PLEKHG1: variants seen among roughly 807,000 people sequenced by gnomAD.
PLEKHG1 encodes the protein pleckstrin homology and RhoGEF domain containing G1.
PLEKHG1 carries 44 observed loss-of-function variants against 100.8 expected under a neutral mutation model. The ratio of observed to expected loss-of-function variants is 0.44; its 90% CI spans 0.34 to 0.56. PLEKHG1 has a LOEUF of 0.56. Ranked by LOEUF, PLEKHG1 falls within the 20% of genes least tolerant of loss-of-function variation. The probability of loss-of-function intolerance (pLI) is 0.01; values close to 1 mark genes in which losing one functional copy is unlikely to be tolerated. For synonymous variants in PLEKHG1, 640 were observed against 662.5 expected, an observed-to-expected ratio of 0.97 and a Z score of 0.52; for missense variants, 1,545 against 1,720.9, an observed-to-expected ratio of 0.90 and a Z score of 1.81.
At chr6:150,758,923 T>C (rs1231495096) in intron 2 of PLEKHG1, among the ~76,000 whole-genome samples, 1 of 152,240 alleles carries the variant, frequency 6.6e-6, no homozygotes, top group Non-Finnish European at 1.5e-5. Context: ...AACACCCTGC[T>C]TTCCAGGCTC....
Position 150,642,877 on chromosome 6 carries a change from A to G in PLEKHG1, c.-158+4752A>G, listed in dbSNP as rs977656136. On this transcript the variant is annotated intron_variant, in intron 2 of 3. Transcript: ENST00000367326. The stretch of plus-strand genomic sequence containing the variant: ...TTAGGCAGTGGTTCAGTATTTTTCT[A>G]TGTAACCCCAGTGCCTATAACAGCA... 2.2e-4 allele frequency among the ~76,000 whole-genome samples: 34 copies of G among 152,198 alleles called. 1 individual carries two copies. Among genetic ancestry groups the G allele is most frequent in the African/African-American group, 7.2e-4 (30 of 41,442 alleles).
At chr6:150,652,580 C>T (rs996983491) in intron 3 of PLEKHG1, among the ~76,000 whole-genome samples, 1 of 151,788 alleles carries the variant, frequency 6.6e-6, no homozygotes, top group Non-Finnish European at 1.5e-5. Context: ...ATTAGCTGGG[C>T]GTGGTGGCTC....
At chr6:150,630,655 T>C (rs1246626431) in intron 1 of PLEKHG1, among the ~76,000 whole-genome samples, 2 of 152,118 alleles carry the variant, frequency 1.3e-5, no homozygotes, top group African/African-American at 4.8e-5. Context: ...TGATGCCAGG[T>C]AGGTACGTGG....
chr6:150,779,368 CAG>C lies in PLEKHG1; in HGVS notation c.513-7019_513-7018del, dbSNP rs111797615. On this transcript the variant is annotated intron_variant, in intron 3 of 15. Coordinates refer to ENST00000358517, the Ensembl canonical transcript of PLEKHG1. ...AGTTTTTTTTTTTTTTTTTTTGAGA[CAG>C]AGTCTCGTTCTGTCGCCTAGGCTGG... is the stretch of plus-strand genomic sequence containing the variant. Among the ~76,000 whole-genome samples, 45 of 64,254 alleles carry C rather than the reference CAG, an allele frequency of 7.0e-4. No individual in the cohort carries two copies. The African/African-American group carries it at 7.3e-3, about 10-fold the overall frequency. The allele number at this position is 64,254 out of a possible 152,430, so 42.2% of individuals were successfully genotyped here. A position where few individuals can be genotyped will look rare whatever the true frequency, so the allele number is the denominator to read the frequency against.
At chr6:150,717,801 C>T (rs1173875581), upstream of PLEKHG1, among the ~76,000 whole-genome samples, 2 of 152,212 alleles carry the variant, frequency 1.3e-5, no homozygotes, top group Non-Finnish European at 2.9e-5. Context: ...TTGGGCTAGG[C>T]ACAGTGGCTC....
chr6:150,735,049 C>G (rs4869693), intron 2 of PLEKHG1, among the ~76,000 whole-genome samples: 25 of 138,692 alleles, frequency 1.8e-4, no homozygotes, highest in Non-Finnish European at 3.3e-4. Flanking sequence ...TGCAATGGTG[C>G]GATCTTGGCT....
intron 2 of PLEKHG1, among the ~76,000 whole-genome samples, chr6:150,735,670 G>C (rs1437047089): frequency 6.6e-6 from 1 of 152,164 alleles, no homozygotes; most frequent in Non-Finnish European, 1.5e-5. Context: ...TACTTGAGAA[G>C]AAATACCTGT....
intron 3 of PLEKHG1, among the ~76,000 whole-genome samples, chr6:150,662,112 A>C (rs1779218111): frequency 6.6e-6 from 1 of 152,082 alleles, no homozygotes; most frequent in African/African-American, 2.4e-5. Flanking sequence ...CGAGAACCCA[A>C]ATGTGGATAG....
chr6:150,792,951 C>CA, intron 4 of PLEKHG1, among the ~76,000 whole-genome samples: 1 of 151,878 alleles, frequency 6.6e-6, no homozygotes, highest in Admixed American at 6.6e-5. Context: ...TCCTACTAGC[C>CA]AAAAATGGGA....
At chr6:150,620,663 A>G (rs542740268) in intron 1 of PLEKHG1, among the ~76,000 whole-genome samples, 1 of 152,286 alleles carries the variant, frequency 6.6e-6, no homozygotes, top group Admixed American at 6.5e-5. Flanking sequence ...TGCTGTTAGG[A>G]GGACTGTATG....
chr6:150,730,426 A>T (rs1465840873), intron 1 of PLEKHG1, among the ~76,000 whole-genome samples: 1 of 151,990 alleles, frequency 6.6e-6, no homozygotes, highest in Non-Finnish European at 1.5e-5. Flanking sequence ...GGATCGTGCA[A>T]CCTAGATCCC....
chr6:150,704,704 A>T (rs1296945303), intron 3 of PLEKHG1, among the ~76,000 whole-genome samples: 1 of 152,256 alleles, frequency 6.6e-6, no homozygotes. Flanking sequence ...CTTGCTGATG[A>T]TGATTGTTAG....
intron 2 of PLEKHG1, among the ~76,000 whole-genome samples, chr6:150,761,970 G>A (rs927222284): frequency 3.9e-5 from 6 of 152,090 alleles, no homozygotes; most frequent in Non-Finnish European, 7.4e-5. Flanking sequence ...ACAGGCGCAT[G>A]TATCATCTGT....
rs768495840 is a variant in PLEKHG1 at position 150,706,022 on chromosome 6, ATTGT to A, written c.-98-27559_-98-27556del. Among the ~76,000 whole-genome samples, 1,224 of 151,610 alleles carry A rather than the reference ATTGT, an allele frequency of 8.1e-3. 12 individuals are homozygous for A. Among genetic ancestry groups the A allele is most frequent in the African/African-American group, 0.029 (1,178 of 40,964 alleles). On this transcript the variant is annotated intron_variant, in intron 3 of 3. Transcript: ENST00000367326. Reference sequence around the variant, plus strand: ...TGCCCGTAAATCCAGTTTTATAGTCATTGTTTATTTTGATGGGACTAGAATCTCC... The same window carrying A: ...TGCCCGTAAATCCAGTTTTATAGTCATTATTTTGATGGGACTAGAATCTCC...
intron 2 of PLEKHG1, among the ~76,000 whole-genome samples, chr6:150,742,246 A>G (rs992746680): frequency 6.6e-6 from 1 of 152,188 alleles, no homozygotes; most frequent in African/African-American, 2.4e-5. Context: ...CAGAAGGCGA[A>G]CAGGGAGTAG....
At chr6:150,818,099 A>G in intron 10 of PLEKHG1, 84 bp from the exon 12 acceptor site, 1 of 981,228 alleles carries the variant, frequency 1.0e-6, no homozygotes, top group Non-Finnish European at 1.6e-6. Context: ...CTATTTATTC[A>G]GGTGGGATAA....
At chr6:150,695,764 TTG>T (rs1368688239) in intron 3 of PLEKHG1, among the ~76,000 whole-genome samples, 9 of 152,198 alleles carry the variant, frequency 5.9e-5, no homozygotes, top group Non-Finnish European at 5.9e-5. Flanking sequence ...GACATTATTA[TTG>T]TTTCACAGAG....
chr6:150,770,944 T>C (rs1446175263), intron 3 of PLEKHG1, among the ~76,000 whole-genome samples: 1 of 152,092 alleles, frequency 6.6e-6, no homozygotes, highest in Non-Finnish European at 1.5e-5. Flanking sequence ...TTAGATACAT[T>C]TTCATTTCAT....
intron 3 of PLEKHG1, among the ~76,000 whole-genome samples, chr6:150,675,916 T>C (rs1379005443): frequency 6.6e-6 from 1 of 152,094 alleles, no homozygotes; most frequent in African/African-American, 2.4e-5. Context: ...CTACAAAACA[T>C]AGATGAAACG....
Sources: allele counts gnomAD v4.1 joint callset (sites outside exome capture counted in the v4.1 genomes callset), GRCh38; gene constraint gnomAD v4.1.1; transcripts MANE v1.5; gene names NCBI Gene and HGNC (gene_info 2026-07-23, HGNC 2026-07-21).